Variants in PARP14 observed in about 807,000 individuals in gnomAD.
PARP14 encodes the protein poly(ADP-ribose) polymerase family member 14.
In PARP14, 59 loss-of-function variants were observed where a neutral mutation model predicts 154.2. The ratio of observed to expected loss-of-function variants is 0.38; its 90% confidence interval spans 0.31 to 0.48. The LOEUF (loss-of-function observed/expected upper bound fraction) is 0.48. PARP14 is among the 20% of genes least tolerant of loss of function. The probability of loss-of-function intolerance (pLI) is 0.98; values close to 1 mark genes in which losing one functional copy is unlikely to be tolerated. For missense variants in PARP14, 1,734 were observed against 2,131.6 expected, an observed-to-expected ratio of 0.81 and a Z score of 3.67; for synonymous variants, 720 against 780.5, an observed-to-expected ratio of 0.92 and a Z score of 1.29.
Position 122,713,591 on chromosome 3 carries a change from A to G in PARP14, c.3769+18A>G. 1 of 1,610,314 alleles carries G rather than the reference A, an allele frequency of 6.2e-7. No homozygotes were observed. Reference sequence around the variant, plus strand: ...CAAAGCAGGTACTTGTACAATTTTGATGAGTGCAATAGTTAATGGTAGATG... The same window carrying G: ...CAAAGCAGGTACTTGTACAATTTTGGTGAGTGCAATAGTTAATGGTAGATG... On this transcript the variant is annotated intron_variant, in intron 10 of 16. Transcript: ENST00000474629.
intron 5 of PARP14, among the ~76,000 whole-genome samples, chr3:122,699,188 G>T (rs1043491437): frequency 4.0e-5 from 6 of 151,708 alleles, no homozygotes; most frequent in Admixed American, 3.9e-4. Context: ...ACCAACATTA[G>T]TTTTTTTTAC....
intron 4 of PARP14, among the ~76,000 whole-genome samples, chr3:122,693,009 G>A (rs1010102952): frequency 1.4e-4 from 22 of 152,152 alleles, no homozygotes; most frequent in East Asian, 3.9e-4. Context: ...GCCTCTTTAC[G>A]TGTATTAATT....
In PARP14 at chr3:122,683,308, C is replaced by G; in HGVS notation, c.188-1877C>G. Reference sequence around the variant, plus strand: ...TGCCAGGAAGTGGCCTCAACAGGTGCGGGCCCATAGCATAACCTGATTTGA... The same window carrying G: ...TGCCAGGAAGTGGCCTCAACAGGTGGGGGCCCATAGCATAACCTGATTTGA... On this transcript the variant is annotated intron_variant, in intron 1 of 16. Coordinates refer to ENST00000474629, the MANE Select transcript of PARP14 (RefSeq NM_017554.3). 3 of 983,646 alleles carry G rather than the reference C, an allele frequency of 3.0e-6. 1 individual carries two copies. In the South Asian group the frequency reaches 1.4e-4, roughly 46 times the overall value. The allele number at this position is 983,646 out of a possible 1,614,324, so 60.9% of individuals were successfully genotyped here. A position where few individuals can be genotyped will look rare whatever the true frequency, so the allele number is the denominator to read the frequency against.
intron 6 of PARP14, 63 bp from the exon 7 acceptor site, chr3:122,703,679 T>C: frequency 3.1e-6 from 3 of 956,670 alleles, no homozygotes; most frequent in South Asian, 1.7e-5. Flanking sequence ...GCCTCAAATA[T>C]AGTAATCATT....
chr3:122,723,936 C>G (rs1258893688), intron 15 of PARP14, among the ~76,000 whole-genome samples: 1 of 151,850 alleles, frequency 6.6e-6, no homozygotes, highest in African/African-American at 2.4e-5. Flanking sequence ...AATAAATGTT[C>G]TTTTTTCCTG....
intron 15 of PARP14, among the ~76,000 whole-genome samples, chr3:122,724,645 ATT>A (rs869132094): frequency 2.9e-5 from 4 of 138,964 alleles, no homozygotes; most frequent in Admixed American, 7.2e-5. Flanking sequence ...TGAAAAAAAA[ATT>A]TTTTTTTTTT....
intron 8 of PARP14, among the ~76,000 whole-genome samples, chr3:122,707,071 A>G (rs1431154881): frequency 6.6e-6 from 1 of 152,212 alleles, no homozygotes; most frequent in Non-Finnish European, 1.5e-5. Flanking sequence ...CAAAATGCAT[A>G]AATTCTTTAG....
chr3:122,720,411 G>A, intron 15 of PARP14, 23 bp downstream of exon 15: 1 of 1,607,786 alleles, frequency 6.2e-7, no homozygotes, highest in Non-Finnish European at 8.5e-7. Flanking sequence ...CTAGAATGCA[G>A]TTTCTGGATG....
chr3:122,718,887 A>C lies in PARP14; in HGVS notation c.4736A>C (p.Asn1579Thr), dbSNP rs761533078. ...VKINHRHYTV[N>T]LNTYTATDTK... ...ATTAATCATCGGCACTACACAGTGAACTTGAACACATACACTGCCACAGAC... is the reference window on the plus strand; with the variant it reads ...ATTAATCATCGGCACTACACAGTGACCTTGAACACATACACTGCCACAGAC... The change falls in exon 14 of 17, where the codon AAC becomes ACC. Residue 1579 changes from asparagine (N) to threonine (T), a missense_variant. Coordinates refer to ENST00000474629, the MANE Select transcript of PARP14 (RefSeq NM_017554.3). 1.4e-5 allele frequency: 22 copies of C among 1,613,778 alleles called. No homozygotes were observed. Among genetic ancestry groups the C allele is most frequent in the Non-Finnish European group, 1.8e-5 (21 of 1,179,822 alleles).
chr3:122,722,827 A>G (rs986321722), intron 15 of PARP14, among the ~76,000 whole-genome samples: 1 of 152,166 alleles, frequency 6.6e-6, no homozygotes. Context: ...TGATACTCCT[A>G]TTTTAGCAAG....
At position 122,701,722 on chromosome 3, in the gene PARP14, G is replaced by A. The variant is rs1938986063; in HGVS notation, c.3081+87G>A. ...CTCATGGAGGGCTGAAGAAAGATAA[G>A]GACCAAGGTGAGAATCAAGGGAGAG... On this transcript the variant is annotated intron_variant, in intron 6 of 16. Transcript: ENST00000474629. This position sits in a 1 kb window ranked among gnomAD's most constrained non-coding sequence, Gnocchi z 4.0. 2 of 967,812 alleles carry A rather than the reference G, an allele frequency of 2.1e-6. No individual in the cohort carries two copies. Among genetic ancestry groups the A allele is most frequent in the Non-Finnish European group, 1.5e-6 (1 of 659,760 alleles). The allele number at this position is 967,812 out of a possible 1,614,324, so 60.0% of individuals were successfully genotyped here.
At chr3:122,695,759 A>T (rs1221133983) in intron 5 of PARP14, 97 bp downstream of exon 5, 3 of 631,566 alleles carry the variant, frequency 4.8e-6, no homozygotes, top group Non-Finnish European at 5.6e-6. Flanking sequence ...TTATTTGTTT[A>T]TTTATGTATT....
Position 122,713,918 on chromosome 3 carries a change from G to T in PARP14, c.3816G>T (p.Arg1272Ser). The T allele has an allele frequency of 6.2e-7, 1 of 1,612,704 alleles. No homozygotes were observed. Among genetic ancestry groups the T allele is most frequent in the East Asian group, 2.2e-5 (1 of 44,854 alleles). ...ILECAGQNVE[R>S]ECSQQAQQRK... Reference sequence around the variant, plus strand: ...AATGTGCTGGACAAAATGTAGAAAGGGAATGTTCTCAGCAAGGTAAGGCAT... The same window carrying T: ...AATGTGCTGGACAAAATGTAGAAAGTGAATGTTCTCAGCAAGGTAAGGCAT... The change falls in exon 11 of 17, where the codon AGG (arginine) becomes AGT (serine). Residue 1272 changes from arginine to serine, a missense_variant. Transcript: ENST00000474629.
Position 122,700,590 on chromosome 3 carries a change from C to G in PARP14, c.2036C>G (p.Pro679Arg), listed in dbSNP as rs1938930993. 6.3e-7 allele frequency: 1 copy of G among 1,597,338 alleles called. No individual in the cohort carries two copies. The highest frequency in any genetic ancestry group is 1.3e-5 in the African/African-American group (1 of 74,604). Residue 679 changes from proline (P) to arginine (R), a missense_variant, in exon 6 of 17, where the codon CCT becomes CGT. Pro to Arg is a moderately radical substitution (Grantham distance 103, BLOSUM62 -2). Around this residue, in one of 2 missense-constraint regions of PARP14, gnomAD observed 1,646 missense variants for 1,976.0 expected, o/e 0.83. Coordinates refer to ENST00000474629, the MANE Select transcript of PARP14 (RefSeq NM_017554.3). ...ATAGAGAGACTGGTTGAAGTAAAGC[C>G]TTCCTTAGTTATTGACTATTTAAAG... ...MKIERLVEVKPSLVIDYLKTE... is the reference protein window; with the variant it reads ...MKIERLVEVKRSLVIDYLKTE...
At position 122,687,107 on chromosome 3, in the gene PARP14, G is replaced by C; in HGVS notation, c.349G>C (p.Glu117Gln). The C allele has an allele frequency of 1.3e-6, 2 of 1,595,502 alleles. No individual in the cohort carries two copies. The highest frequency in any genetic ancestry group is 1.7e-6 in the Non-Finnish European group (2 of 1,168,406). Residue 117 changes from glutamate to glutamine, a missense_variant, in exon 3 of 17, where the codon GAA becomes CAA. By Grantham distance (29) the Glu-to-Gln change is conservative. Transcript: ENST00000474629. Reference protein sequence around the residue: ...KESKTKEDVKEPDVSEELDTK... With the variant: ...KESKTKEDVKQPDVSEELDTK... Reference sequence around the variant, plus strand: ...ATCCAAGACCAAAGAAGATGTTAAAGAACCAGGTAAAATCTCAGTTGAGAT... The same window carrying C: ...ATCCAAGACCAAAGAAGATGTTAAACAACCAGGTAAAATCTCAGTTGAGAT...
chr3:122,685,390 A>G (rs1938340204), intron 2 of PARP14, 72 bp downstream of exon 2: 1 of 1,380,684 alleles, frequency 7.2e-7, no homozygotes, highest in Non-Finnish European at 1.0e-6. Flanking sequence ...ATCACCATGA[A>G]GAAAATATAG....
intron 1 of PARP14, among the ~76,000 whole-genome samples, chr3:122,682,664 G>A (rs749559326): frequency 1.3e-5 from 2 of 152,038 alleles, no homozygotes; most frequent in Admixed American, 6.5e-5. Context: ...ATCCTTGACC[G>A]GCCCCAGCCC....
In PARP14 at chr3:122,699,734, A is replaced by G. The variant is rs1216762562; in HGVS notation, c.1180A>G (p.Ile394Val). The change falls in exon 6 of 17, where the codon ATC becomes GTC. Residue 394 changes from isoleucine (I) to valine (V), a missense_variant. By Grantham distance (29) the Ile-to-Val change is conservative (BLOSUM62 3). Around this residue, in one of 2 missense-constraint regions of PARP14, gnomAD observed 1,646 missense variants for 1,976.0 expected, o/e 0.83. Transcript: ENST00000474629. ...QADTSTTLSS[I>V]RSKYKVNPIK... ...AGATACTTCCACAACACTCTCTAGCATCAGGTCTAAATATAAAGTCAACCC... is the reference window on the plus strand; with the variant it reads ...AGATACTTCCACAACACTCTCTAGCGTCAGGTCTAAATATAAAGTCAACCC... 2 of 1,613,980 alleles carry G rather than the reference A, an allele frequency of 1.2e-6. No individual in the cohort carries two copies. Among genetic ancestry groups the G allele is most frequent in the East Asian group, 4.5e-5 (2 of 44,888 alleles).
chr3:122,712,242 T>C (rs78205253), intron 9 of PARP14, among the ~76,000 whole-genome samples: 1 of 1,934 alleles, frequency 5.2e-4, no homozygotes, highest in South Asian at 0.071. Context: ...ATTCACATCT[T>C]TTTTTTTTTT....
Sources: gnomAD v4.1 joint callset for allele counts (sites outside exome capture counted in the v4.1 genomes callset) on GRCh38, gnomAD v4.1.1 for gene constraint, gnomAD v4.1.1 regional missense constraint, Gnocchi (gnomAD v3.1) non-coding constraint, MANE v1.5 for transcripts, NCBI Gene and HGNC (gene_info 2026-07-23, HGNC 2026-07-21) for gene names.